The following KCNIP1 variants were observed in gnomAD, a reference collection of about 807,000 sequenced individuals.
The protein encoded by KCNIP1 is A-type potassium channel modulatory protein KCNIP1.
Under a neutral mutation model 33.0 loss-of-function variants are expected in KCNIP1, and 18 were observed. The ratio of observed to expected loss-of-function variants is 0.55; its 90% CI spans 0.38 to 0.81. The LOEUF (loss-of-function observed/expected upper bound fraction) is 0.81. KCNIP1 is among the 30% of genes least tolerant of loss of function. The pLI is 0.00. For missense variants in KCNIP1, 238 were observed against 271.6 expected (o/e 0.88, Z 0.87); for synonymous variants, 93 against 98.3 (o/e 0.95, Z 0.32).
intron 1 of KCNIP1, among the ~76,000 whole-genome samples, chr5:170,585,962 A>C (rs74742312): frequency 0.087 from 13,178 of 152,282 alleles, 640 homozygotes; most frequent in South Asian, 0.12. Context: ...CTTGGCCCTG[A>C]AGAGCGTAGT....
chr5:170,543,856 T>C (rs1179197527), intron 1 of KCNIP1, among the ~76,000 whole-genome samples: 1 of 152,228 alleles, frequency 6.6e-6, no homozygotes, highest in Non-Finnish European at 1.5e-5. Context: ...TTTGCACTTT[T>C]CCTCTTCATC....
At chr5:170,689,194 A>G (rs538955120) in intron 1 of KCNIP1, among the ~76,000 whole-genome samples, 7 of 152,322 alleles carry the variant, frequency 4.6e-5, no homozygotes, top group African/African-American at 1.4e-4. Context: ...TCATTCGTTC[A>G]TTCATTCACT....
chr5:170,379,891 G>A (rs550221200), intron 1 of KCNIP1, among the ~76,000 whole-genome samples: 1 of 151,718 alleles, frequency 6.6e-6, no homozygotes, highest in South Asian at 2.1e-4. Flanking sequence ...GTTGGAGGCT[G>A]CAGTGAGCTA....
intron 1 of KCNIP1, among the ~76,000 whole-genome samples, chr5:170,523,485 G>C (rs1755447531): frequency 6.6e-6 from 1 of 152,180 alleles, no homozygotes. Context: ...AGTCGACTTT[G>C]AAAGAAGAGG....
chr5:170,407,221 C>T (rs572442804), intron 1 of KCNIP1, among the ~76,000 whole-genome samples: 6 of 152,300 alleles, frequency 3.9e-5, no homozygotes, highest in Admixed American at 2.0e-4. Context: ...GGAAGCTGCA[C>T]GTGCCATGGT....
chr5:170,602,220 G>A (rs1477145586), intron 1 of KCNIP1, among the ~76,000 whole-genome samples: 2 of 152,212 alleles, frequency 1.3e-5, no homozygotes, highest in East Asian at 3.9e-4. Flanking sequence ...GGGGTCCTGG[G>A]CCGTGGCACT....
Position 170,489,464 on chromosome 5 carries a change from GCTGCCCCAA to G in KCNIP1, c.88+135502_88+135510del, listed in dbSNP as rs767661014. Among the ~76,000 whole-genome samples, 812 of 152,210 alleles carry G rather than the reference GCTGCCCCAA, an allele frequency of 5.3e-3. 5 individuals carry two copies. The highest frequency in any genetic ancestry group is 5.4e-3 in the Non-Finnish European group (369 of 67,990). ...CTCAGTGTCCTGGAAAGGCCCCAGGGCTGCCCCAACCCCTGACCTCTCTCCTTCTTTCTC... is the reference window on the plus strand; with the variant it reads ...CTCAGTGTCCTGGAAAGGCCCCAGGGCCCCTGACCTCTCTCCTTCTTTCTC... On this transcript the variant is annotated intron_variant, in intron 1 of 7. Coordinates refer to the KCNIP1 transcript ENST00000377360. The surrounding 1 kb of genome is among the most constrained non-coding windows in gnomAD (Gnocchi z 4.3).
intron 1 of KCNIP1, among the ~76,000 whole-genome samples, chr5:170,653,517 TG>T (rs1441761242): frequency 5.3e-5 from 8 of 152,060 alleles, no homozygotes; most frequent in Non-Finnish European, 8.8e-5. Flanking sequence ...AGGCTACAAA[TG>T]AATGTAAAAA....
chr5:170,451,237 G>A (rs34601475), intron 1 of KCNIP1, among the ~76,000 whole-genome samples: 10,616 of 152,142 alleles, frequency 0.07, 354 homozygotes, highest in Non-Finnish European at 0.079. Flanking sequence ...CAGACATCCC[G>A]CTTTTTTGGG....
intron 5 of KCNIP1, among the ~76,000 whole-genome samples, chr5:170,723,232 C>G (rs1317998425): frequency 6.6e-6 from 1 of 152,170 alleles, no homozygotes; most frequent in African/African-American, 2.4e-5. Flanking sequence ...GAGGAACCTA[C>G]AATTGGGTCA....
At chr5:170,480,182 T>A (rs1387472048) in intron 1 of KCNIP1, among the ~76,000 whole-genome samples, 1 of 152,214 alleles carries the variant, frequency 6.6e-6, no homozygotes, top group Non-Finnish European at 1.5e-5. Flanking sequence ...ATTCTTATAT[T>A]TTCTCTGTTA....
At chr5:170,396,952 A>G (rs974008329) in intron 1 of KCNIP1, among the ~76,000 whole-genome samples, 2 of 152,184 alleles carry the variant, frequency 1.3e-5, no homozygotes, top group African/African-American at 4.8e-5. Flanking sequence ...AAATAAATAT[A>G]GTTTGGGGTT....
chr5:170,633,768 T>TGGGGGGGGGGGGGGGGGGGGG (rs1760175052), intron 1 of KCNIP1, among the ~76,000 whole-genome samples: 1 of 1,170 alleles, frequency 8.5e-4, no homozygotes, highest in Non-Finnish European at 1.6e-3. Context: ...GGAGGGGGGA[T>TGGGGGGGGGGGGGGGGGGGGG]GGGGCGGGGC....
intron 1 of KCNIP1, among the ~76,000 whole-genome samples, chr5:170,654,185 C>T (rs1761169364): frequency 6.6e-6 from 1 of 152,144 alleles, no homozygotes; most frequent in African/African-American, 2.4e-5. Flanking sequence ...GTCCCTGCAA[C>T]CGCTATGAGC....
At chr5:170,465,574 T>G (rs988805694) in intron 1 of KCNIP1, among the ~76,000 whole-genome samples, 5 of 152,068 alleles carry the variant, frequency 3.3e-5, no homozygotes, top group African/African-American at 1.2e-4. Flanking sequence ...AATAGATACT[T>G]CCTAATCTCA....
intron 1 of KCNIP1, among the ~76,000 whole-genome samples, chr5:170,604,386 G>A (rs1758814838): frequency 6.6e-6 from 1 of 152,144 alleles, no homozygotes; most frequent in Non-Finnish European, 1.5e-5. Context: ...GTGTATGTTG[G>A]ACACAGTAGT....
chr5:170,585,576 G>C (rs751359725), intron 1 of KCNIP1, among the ~76,000 whole-genome samples: 1 of 151,992 alleles, frequency 6.6e-6, no homozygotes, highest in Non-Finnish European at 1.5e-5. Flanking sequence ...CAATACCTGC[G>C]AGCCTGTCAG....
At chr5:170,533,371 T>A (rs2113352453) in intron 1 of KCNIP1, among the ~76,000 whole-genome samples, 1 of 152,224 alleles carries the variant, frequency 6.6e-6, no homozygotes, top group East Asian at 1.9e-4. Context: ...TGTTGCGCTA[T>A]CCTGCAATCC....
chr5:170,582,899 C>T (rs868405854), intron 1 of KCNIP1, among the ~76,000 whole-genome samples: 2 of 152,286 alleles, frequency 1.3e-5, no homozygotes, highest in Non-Finnish European at 2.9e-5. Flanking sequence ...CCTGAGCCTG[C>T]TGTACCCAAA....
Sources: allele counts gnomAD v4.1 joint callset (sites outside exome capture counted in the v4.1 genomes callset), GRCh38; gene constraint gnomAD v4.1.1; non-coding constraint Gnocchi (gnomAD v3.1); transcripts MANE v1.5; gene names NCBI Gene and HGNC (gene_info 2026-07-23, HGNC 2026-07-21).